Variants in PXDNL observed in about 807,000 individuals in gnomAD.
PXDNL encodes peroxidasin like.
A neutral mutation model predicts 150.8 loss-of-function variants in PXDNL; 145 were observed. The ratio of observed to expected loss-of-function variants is 0.96; its 90% CI spans 0.84 to 1.10. PXDNL has a LOEUF of 1.10. PXDNL is among the 50% of genes least tolerant of loss of function. PXDNL has a pLI of 0.00. For synonymous variants in PXDNL, 757 were observed against 725.7 expected (o/e 1.04, Z -0.69); for missense variants, 2,087 against 1,873.9 (o/e 1.11, Z -2.10).
intron 5 of PXDNL, among the ~76,000 whole-genome samples, chr8:51,487,663 G>A (rs952457028): frequency 2.6e-5 from 4 of 152,148 alleles, no homozygotes; most frequent in South Asian, 2.1e-4. Context: ...GCTTGGTAAC[G>A]TAGTAGTAAG....
At chr8:51,657,668 G>A (rs1436177692) in intron 1 of PXDNL, among the ~76,000 whole-genome samples, 1 of 152,110 alleles carries the variant, frequency 6.6e-6, no homozygotes, top group Admixed American at 6.5e-5. Flanking sequence ...TATAGGGTAG[G>A]TACATTTTCA....
intron 4 of PXDNL, among the ~76,000 whole-genome samples, chr8:51,524,207 C>G (rs755748675): frequency 1.3e-5 from 2 of 152,182 alleles, no homozygotes; most frequent in African/African-American, 4.8e-5. Flanking sequence ...CATACGCTCC[C>G]TAACATGACA....
At chr8:51,326,671 G>A (rs1035329980) in intron 21 of PXDNL, among the ~76,000 whole-genome samples, 1 of 152,030 alleles carries the variant, frequency 6.6e-6, no homozygotes, top group African/African-American at 2.4e-5. Context: ...AGCCTTCTCA[G>A]CCTCACTGCA....
At chr8:51,654,868 C>G in intron 1 of PXDNL, 108 bp from the exon 2 acceptor site, 1 of 774,602 alleles carries the variant, frequency 1.3e-6, no homozygotes, top group Admixed American at 2.2e-5. Context: ...ACATACAGTA[C>G]TAAAGGACTA....
intron 1 of PXDNL, among the ~76,000 whole-genome samples, chr8:51,807,809 T>C (rs986102947): frequency 1.3e-5 from 2 of 152,222 alleles, no homozygotes; most frequent in African/African-American, 4.8e-5. Context: ...TTGTACCTCA[T>C]GTAGCTCCAA....
intron 2 of PXDNL, among the ~76,000 whole-genome samples, chr8:51,612,833 T>A (rs1814044719): frequency 6.6e-6 from 1 of 152,232 alleles, no homozygotes; most frequent in African/African-American, 2.4e-5. Context: ...CAGTCTATGA[T>A]ATTTTGTTAT....
chr8:51,406,237 C>T (rs1808432739), intron 17 of PXDNL, among the ~76,000 whole-genome samples: 1 of 152,196 alleles, frequency 6.6e-6, no homozygotes, highest in Admixed American at 6.5e-5. Flanking sequence ...CGTCATACCC[C>T]TAACTTTTTC....
intron 3 of PXDNL, among the ~76,000 whole-genome samples, chr8:51,567,392 C>A (rs1226092398): frequency 6.6e-6 from 1 of 151,752 alleles, no homozygotes; most frequent in African/African-American, 2.4e-5. Flanking sequence ...CTATCATAGT[C>A]GATTCCTCTA....
Position 51,697,176 on chromosome 8 carries a change from C to A in PXDNL, c.165-42416G>T, listed in dbSNP as rs535181675. ...AAACTTAGCCGAGCGTGGTGGCGGG[C>A]GCCTGTAATTCCAGCTACTTAGGAG... On this transcript the variant is annotated intron_variant, in intron 1 of 22. Coordinates refer to ENST00000356297, the MANE Select transcript of PXDNL (RefSeq NM_144651.5). Among the ~76,000 whole-genome samples the A allele has an allele frequency of 4.6e-5, 7 of 151,926 alleles. No homozygotes were observed. In the South Asian group the frequency reaches 1.5e-3, roughly 32 times the overall value.
chr8:51,402,080 G>A (rs1034046799), intron 17 of PXDNL, among the ~76,000 whole-genome samples: 3 of 152,144 alleles, frequency 2.0e-5, no homozygotes, highest in Admixed American at 6.5e-5. Flanking sequence ...GAATCATGCG[G>A]TTTGATCTCC....
Position 51,733,872 on chromosome 8 carries a change from TTA to T in PXDNL, c.164+75307_164+75308del, listed in dbSNP as rs201789775. 5.9e-3 allele frequency among the ~76,000 whole-genome samples: 878 copies of T among 147,740 alleles called. 11 individuals carry two copies. Among genetic ancestry groups the T allele is most frequent in the African/African-American group, 0.021 (838 of 40,558 alleles). ...TGATATATATGATATATGATATATT[TTA>T]TATATATTACATATAAAGGAAAAAA... On this transcript the variant is annotated intron_variant, in intron 1 of 22. Transcript: ENST00000356297.
intron 10 of PXDNL, 149 bp from the exon 11 acceptor site, chr8:51,449,267 C>T: frequency 1.7e-6 from 1 of 572,038 alleles, no homozygotes; most frequent in Non-Finnish European, 3.1e-6. Flanking sequence ...TGTGGAGGTG[C>T]TTCTGTATGT....
chr8:51,435,864 C>T, intron 12 of PXDNL: 1 of 449,072 alleles, frequency 2.2e-6, no homozygotes, highest in African/African-American at 2.1e-5. Flanking sequence ...GTTGATGCCT[C>T]ATTCTAAAGC....
chr8:51,401,227 T>C (rs2130863441), intron 17 of PXDNL, among the ~76,000 whole-genome samples: 1 of 152,286 alleles, frequency 6.6e-6, no homozygotes, highest in South Asian at 2.1e-4. Context: ...CTTGGTCTAA[T>C]TGTACAATAC....
chr8:51,533,589 C>T (rs1267464751), intron 4 of PXDNL, among the ~76,000 whole-genome samples: 1 of 148,392 alleles, frequency 6.7e-6, no homozygotes, highest in East Asian at 2.0e-4. Flanking sequence ...ACTGCAACCT[C>T]CCTGCCTGAT....
intron 1 of PXDNL, among the ~76,000 whole-genome samples, chr8:51,714,078 T>C (rs1374960540): frequency 6.6e-6 from 1 of 152,218 alleles, no homozygotes; most frequent in East Asian, 1.9e-4. Flanking sequence ...AAATGGATAG[T>C]ACATTGAGTT....
At chr8:51,494,786 C>A (rs557068896) in intron 5 of PXDNL, among the ~76,000 whole-genome samples, 2 of 152,044 alleles carry the variant, frequency 1.3e-5, no homozygotes, top group South Asian at 4.2e-4. Flanking sequence ...AAAGCAAGTA[C>A]TTAGAGACCT....
chr8:51,629,480 A>G (rs1253636329), intron 2 of PXDNL, among the ~76,000 whole-genome samples: 1 of 152,168 alleles, frequency 6.6e-6, no homozygotes, highest in Admixed American at 6.6e-5. Flanking sequence ...GAAAAGAGAG[A>G]GAGAAAAAGG....
At chr8:51,744,093 GGAAA>G (rs1259792170) in intron 1 of PXDNL, among the ~76,000 whole-genome samples, 16 of 41,128 alleles carry the variant, frequency 3.9e-4, no homozygotes, top group African/African-American at 9.5e-4. Flanking sequence ...AAGGAAGGAA[GGAAA>G]GAAAGAAAGA....
Sources: allele counts gnomAD v4.1 joint callset (sites outside exome capture counted in the v4.1 genomes callset), GRCh38; gene constraint gnomAD v4.1.1; transcripts MANE v1.5; gene names NCBI Gene and HGNC (gene_info 2026-07-23, HGNC 2026-07-21).